Variants in KCNH7 observed in about 807,000 individuals in gnomAD.
KCNH7 encodes the protein potassium voltage-gated channel subfamily H member 7.
A neutral mutation model predicts 120.8 loss-of-function variants in KCNH7; 49 were observed. The observed-to-expected ratio is 0.41, with a 90% CI of 0.32 to 0.51. The LOEUF (loss-of-function observed/expected upper bound fraction) is 0.51, where lower values mean the gene tolerates loss of function less well. Ranked by LOEUF, KCNH7 falls within the 20% of genes least tolerant of loss-of-function variation. KCNH7 has a pLI of 0.38. For synonymous variants in KCNH7, 547 were observed against 516.1 expected, an observed-to-expected ratio of 1.06 and a Z score of -0.81; for missense variants, 1,097 against 1,446.6, an observed-to-expected ratio of 0.76 and a Z score of 3.92.
Position 162,423,497 on chromosome 2 carries a change from T to C in KCNH7, c.1993A>G (p.Ile665Val), listed in dbSNP as rs1558937372. Residue 665 changes from isoleucine (I) to valine (V), a missense_variant, in exon 9 of 16, where the codon ATT (isoleucine) becomes GTT (valine). Ile to Val is a conservative substitution (Grantham distance 29, BLOSUM62 3). This residue lies in a region of KCNH7 where 24 missense variants were observed against 105.8 expected (regional missense o/e 0.23). Transcript: ENST00000332142. ...YASIFGNVSA[I>V]IQRLYSGTAR... ...GTTCCCGAGTATAGTCTTTGGATAA[T>C]TGCAGATACATTCCCAAAAATGCTT... The C allele has an allele frequency of 1.9e-6, 3 of 1,613,964 alleles. No individual in the cohort carries two copies. Among genetic ancestry groups the C allele is most frequent in the Non-Finnish European group, 8.5e-7 (1 of 1,179,878 alleles).
intron 2 of KCNH7, among the ~76,000 whole-genome samples, chr2:162,630,012 T>C (rs1253430242): frequency 1.3e-5 from 2 of 152,086 alleles, no homozygotes; most frequent in Non-Finnish European, 2.9e-5. Flanking sequence ...GCAGAAAATG[T>C]CCAGGTGATG....
chr2:162,544,806 C>T (rs903097392), intron 2 of KCNH7, among the ~76,000 whole-genome samples: 1 of 152,082 alleles, frequency 6.6e-6, no homozygotes, highest in African/African-American at 2.4e-5. Context: ...TCCAGCCCCA[C>T]ATTTCATTTT....
At position 162,646,557 on chromosome 2, in the gene KCNH7, T is replaced by A. The variant is rs527482842; in HGVS notation, c.308-109477A>T. Among the ~76,000 whole-genome samples the A allele has an allele frequency of 4.6e-5, 7 of 152,322 alleles. No individual in the cohort carries two copies. In the South Asian group the frequency reaches 1.4e-3, roughly 32 times the overall value. On this transcript the variant is annotated intron_variant, in intron 2 of 15. Transcript: ENST00000332142. ...AAGATGAGAAGTTTATTCAATGAGC[T>A]TATTCTATGACATGAGCACTCAAAA... is the stretch of plus-strand genomic sequence containing the variant.
At chr2:162,526,259 G>A (rs185640318) in intron 3 of KCNH7, among the ~76,000 whole-genome samples, 1 of 152,028 alleles carries the variant, frequency 6.6e-6, no homozygotes, top group African/African-American at 2.4e-5. Context: ...AATGGAGGCA[G>A]GGCAAGATCA....
chr2:162,820,866 A>G (rs1446984062), intron 2 of KCNH7, among the ~76,000 whole-genome samples: 1 of 152,194 alleles, frequency 6.6e-6, no homozygotes, highest in Non-Finnish European at 1.5e-5. Context: ...TTCTACTTAA[A>G]TACATGAGAA....
At chr2:162,395,329 G>A (rs551482758) in intron 11 of KCNH7, among the ~76,000 whole-genome samples, 45 of 151,620 alleles carry the variant, frequency 3.0e-4, no homozygotes, top group Non-Finnish European at 6.1e-4. Flanking sequence ...GTTAAAATTA[G>A]CTATGGTGTT....
chr2:162,552,630 C>T (rs1464802224), intron 2 of KCNH7, among the ~76,000 whole-genome samples: 4 of 152,182 alleles, frequency 2.6e-5, no homozygotes. Context: ...GGTGTGCTTA[C>T]TAGAATCACA....
At chr2:162,661,827 C>T (rs1330576425) in intron 2 of KCNH7, among the ~76,000 whole-genome samples, 3 of 152,086 alleles carry the variant, frequency 2.0e-5, no homozygotes, top group Non-Finnish European at 4.4e-5. Flanking sequence ...AGAACTATTG[C>T]ATCATCTCTT....
At chr2:162,484,283 C>A (rs1690022189) in intron 6 of KCNH7, among the ~76,000 whole-genome samples, 1 of 151,338 alleles carries the variant, frequency 6.6e-6, no homozygotes, top group Non-Finnish European at 1.5e-5. Context: ...AAGAGAAAGC[C>A]AATATATAAA....
chr2:162,450,285 T>C (rs924810086), intron 6 of KCNH7, among the ~76,000 whole-genome samples: 1 of 152,068 alleles, frequency 6.6e-6, no homozygotes, highest in Non-Finnish European at 1.5e-5. Context: ...AGTTCATGTG[T>C]TGTATTCCAA....
chr2:162,384,879 T>G lies in KCNH7; in HGVS notation c.2771A>C (p.Lys924Thr). Residue 924 changes from lysine to threonine, a missense_variant, in exon 13 of 16, where the codon AAG (lysine) becomes ACG (threonine). By Grantham distance (78) the Lys-to-Thr change is moderately conservative. This residue lies in a region of KCNH7 where 406 missense variants were observed against 410.5 expected (regional missense o/e 0.99). Transcript: ENST00000332142. ...GCTTTTTTTCTCTTCAAAGTGTCTCTTGGAACTCTGATAATGTCTTATGGT... is the reference window on the plus strand; with the variant it reads ...GCTTTTTTTCTCTTCAAAGTGTCTCGTGGAACTCTGATAATGTCTTATGGT... ...ADTIRHYQSS[K>T]RHFEEKKSRS... 1 of 1,612,354 alleles carries G rather than the reference T, an allele frequency of 6.2e-7. No homozygotes were observed. Among genetic ancestry groups the G allele is most frequent in the Non-Finnish European group, 8.5e-7 (1 of 1,178,708 alleles).
chr2:162,568,496 G>T (rs1003440926), intron 2 of KCNH7, among the ~76,000 whole-genome samples: 1 of 152,004 alleles, frequency 6.6e-6, no homozygotes, highest in African/African-American at 2.4e-5. Flanking sequence ...TAAGCAATGT[G>T]TGACTGTAAT....
chr2:162,389,642 C>A (rs1686683572), intron 12 of KCNH7, among the ~76,000 whole-genome samples: 1 of 152,014 alleles, frequency 6.6e-6, no homozygotes, highest in African/African-American at 2.4e-5. Flanking sequence ...AATAGGATTT[C>A]TCTTAAAATG....
chr2:162,658,061 C>T (rs187569103), intron 2 of KCNH7, among the ~76,000 whole-genome samples: 148 of 151,640 alleles, frequency 9.8e-4, no homozygotes, highest in African/African-American at 3.3e-3. Flanking sequence ...AAATGATACC[C>T]TGGAGAGCAC....
intron 2 of KCNH7, among the ~76,000 whole-genome samples, chr2:162,568,996 T>C (rs1236676295): frequency 6.6e-6 from 1 of 152,144 alleles, no homozygotes; most frequent in African/African-American, 2.4e-5. Flanking sequence ...TTCTCTTTTT[T>C]GGTTGTGTCT....
intron 2 of KCNH7, among the ~76,000 whole-genome samples, chr2:162,629,917 C>T (rs1369279668): frequency 6.6e-6 from 1 of 152,064 alleles, no homozygotes; most frequent in Non-Finnish European, 1.5e-5. Context: ...CAAAAGATTA[C>T]ATTATAATTG....
intron 2 of KCNH7, among the ~76,000 whole-genome samples, chr2:162,714,794 A>T (rs751646701): frequency 2.0e-5 from 3 of 152,234 alleles, no homozygotes; most frequent in Non-Finnish European, 2.9e-5. Flanking sequence ...TATAATTTCC[A>T]CATGAAACAA....
At chr2:162,383,072 TGAA>T (rs940042558) in intron 13 of KCNH7, among the ~76,000 whole-genome samples, 1 of 151,986 alleles carries the variant, frequency 6.6e-6, no homozygotes, top group African/African-American at 2.4e-5. Context: ...GAAAAGTATA[TGAA>T]GAAGGGCATG....
intron 6 of KCNH7, among the ~76,000 whole-genome samples, chr2:162,493,019 G>C (rs1315995696): frequency 6.6e-6 from 1 of 151,690 alleles, no homozygotes; most frequent in Non-Finnish European, 1.5e-5. Flanking sequence ...AAACAGAGAA[G>C]GTGCCACAGA....
Sources: gnomAD v4.1 joint callset for allele counts (sites outside exome capture counted in the v4.1 genomes callset) on GRCh38, gnomAD v4.1.1 for gene constraint, gnomAD v4.1.1 regional missense constraint, MANE v1.5 for transcripts, NCBI Gene and HGNC (gene_info 2026-07-23, HGNC 2026-07-21) for gene names.